Variants in GAPVD1 observed in about 807,000 individuals in gnomAD.
GAPVD1 encodes the protein GTPase activating protein and VPS9 domains 1.
In GAPVD1, 35 loss-of-function variants were observed where a neutral mutation model predicts 155.5. The ratio of observed to expected loss-of-function variants is 0.23; its 90% CI spans 0.17 to 0.30. The LOEUF (loss-of-function observed/expected upper bound fraction) is 0.30, where lower values mean the gene tolerates loss of function less well. GAPVD1 is among the 10% of genes least tolerant of loss of function. The pLI is 1.00. For missense variants in GAPVD1, 1,429 were observed against 1,775.7 expected, an observed-to-expected ratio of 0.80 and a Z score of 3.51; for synonymous variants, 636 against 619.7, an observed-to-expected ratio of 1.03 and a Z score of -0.39.
At position 125,302,168 on chromosome 9, in the gene GAPVD1, A is replaced by G; in HGVS notation, c.371A>G (p.Asn124Ser). The G allele has an allele frequency of 6.2e-7, 1 of 1,614,002 alleles. No individual in the cohort carries two copies. The highest frequency in any genetic ancestry group is 2.2e-5 in the East Asian group (1 of 44,876). ...GCTGGAGAGAAACTTAATCAGGAGAACACACAAAGTGTTATTTACACAGTT... is the reference window on the plus strand; with the variant it reads ...GCTGGAGAGAAACTTAATCAGGAGAGCACACAAAGTGTTATTTACACAGTT... ...LVAGEKLNQE[N>S]TQSVIYTVFT... is the part of the protein sequence containing the mutation. Residue 124 changes from asparagine (N) to serine (S), a missense_variant, in exon 5 of 28, where the codon AAC becomes AGC. Coordinates refer to ENST00000297933, the MANE Select transcript of GAPVD1 (RefSeq NM_001282680.3).
At chr9:125,358,843 G>A (rs369867182) in intron 25 of GAPVD1, among the ~76,000 whole-genome samples, 10 of 152,302 alleles carry the variant, frequency 6.6e-5, no homozygotes, top group East Asian at 1.9e-4. Context: ...CCCACCCTCC[G>A]TGGCATTTCT....
In GAPVD1 at chr9:125,332,105, C is replaced by A. The variant is rs748178306; in HGVS notation, c.2308+45C>A. On this transcript the variant is annotated intron_variant, in intron 14 of 27. Transcript: ENST00000297933. ...AGGAGTAGGGATTTGAAGGTGTTCACCCCCTACCCCCTCCTATTTATAAAG... is the reference window on the plus strand; with the variant it reads ...AGGAGTAGGGATTTGAAGGTGTTCAACCCCTACCCCCTCCTATTTATAAAG... The A allele has an allele frequency of 2.6e-6, 4 of 1,534,588 alleles. No individual in the cohort carries two copies. The Admixed American group carries it at 7.0e-5, about 27-fold the overall frequency.
intron 8 of GAPVD1, among the ~76,000 whole-genome samples, chr9:125,310,826 C>T (rs1842568111): frequency 6.6e-6 from 1 of 150,898 alleles, no homozygotes; most frequent in Non-Finnish European, 1.5e-5. Context: ...GCGTGAGCCA[C>T]CGCGCCCAGC....
chr9:125,348,756 C>G (rs1452494112), intron 20 of GAPVD1, among the ~76,000 whole-genome samples: 1 of 152,094 alleles, frequency 6.6e-6, no homozygotes, highest in Non-Finnish European at 1.5e-5. Context: ...ATGTGATCCA[C>G]CCACCAAAGC....
intron 2 of GAPVD1, among the ~76,000 whole-genome samples, chr9:125,279,998 G>T (rs557772629): frequency 1.3e-5 from 2 of 151,660 alleles, no homozygotes; most frequent in East Asian, 3.9e-4. Context: ...CCGACGTCAG[G>T]TGATCCACTC....
chr9:125,314,459 C>G (rs1308348318), intron 9 of GAPVD1, among the ~76,000 whole-genome samples: 1 of 151,990 alleles, frequency 6.6e-6, no homozygotes, highest in African/African-American at 2.4e-5. Context: ...AGTTCGAGAC[C>G]AGCCTGACCA....
At chr9:125,303,333 A>G (rs1172935729) in intron 5 of GAPVD1, among the ~76,000 whole-genome samples, 1 of 151,292 alleles carries the variant, frequency 6.6e-6, no homozygotes, top group Non-Finnish European at 1.5e-5. Flanking sequence ...GTGATTGTTA[A>G]AAAATGATTA....
In GAPVD1 at chr9:125,278,650, T is replaced by C. The variant is rs1836213371; in HGVS notation, c.-150+9666T>C. On this transcript the variant is annotated intron_variant, in intron 2 of 27. Coordinates refer to ENST00000297933, the MANE Select transcript of GAPVD1 (RefSeq NM_001282680.3). The stretch of plus-strand genomic sequence containing the variant: ...AGGAGTTCGAGACCAGTCTGGGCAA[T>C]GTGGTGAAACCTCATCTCTACACAA... Among the ~76,000 whole-genome samples the C allele has an allele frequency of 2.6e-5, 4 of 151,776 alleles. No homozygotes were observed. In the South Asian group the frequency reaches 6.2e-4, roughly 24 times the overall value.
At position 125,261,925 on chromosome 9, in the gene GAPVD1, G is replaced by C. The variant is rs2131508445; in HGVS notation, c.-233G>C. On this transcript the variant is annotated 5_prime_UTR_variant, in exon 1 of 28. Transcript: ENST00000297933. ...TCCGAGGCCGAGTGGCGGTCCGACA[G>C]AGTCCTCCGTGTCCTCCCCCGCATG... 1 of 153,982 alleles carries C rather than the reference G, an allele frequency of 6.5e-6. No individual in the cohort carries two copies. Among genetic ancestry groups the C allele is most frequent in the East Asian group, 1.9e-4 (1 of 5,254 alleles). The allele number at this position is 153,982 out of a possible 1,614,324, so 9.5% of individuals were successfully genotyped here.
rs111629776 is a variant in GAPVD1, at chr9:125,309,754, G to A, written c.1441+1874G>A. ...CTATACATTAGTTTTTTCATTTCCC[G>A]TTATCCAAAAGTGTCATTAAATATG... On this transcript the variant is annotated intron_variant, in intron 8 of 27. Coordinates refer to ENST00000297933, the MANE Select transcript of GAPVD1 (RefSeq NM_001282680.3). Among the ~76,000 whole-genome samples the A allele has an allele frequency of 2.5e-3, 380 of 152,054 alleles. 4 individuals carry two copies. The highest frequency in any genetic ancestry group is 8.0e-3 in the African/African-American group (331 of 41,470).
At chr9:125,286,762 A>G (rs1837769399) in intron 2 of GAPVD1, among the ~76,000 whole-genome samples, 1 of 152,084 alleles carries the variant, frequency 6.6e-6, no homozygotes, top group South Asian at 2.1e-4. Context: ...TAAAGATGAA[A>G]GTACAAAAAA....
intron 2 of GAPVD1, among the ~76,000 whole-genome samples, chr9:125,276,562 G>A (rs148392994): frequency 4.6e-5 from 7 of 152,244 alleles, no homozygotes; most frequent in African/African-American, 1.2e-4. Flanking sequence ...GATGGTGTAC[G>A]CCTGTAGTCC....
intron 19 of GAPVD1, among the ~76,000 whole-genome samples, chr9:125,342,862 C>T (rs1356817259): frequency 6.6e-6 from 1 of 152,130 alleles, no homozygotes; most frequent in East Asian, 1.9e-4. Context: ...TAATTTTTTA[C>T]AGCTTGAACC....
intron 19 of GAPVD1, 24 bp from the exon 20 acceptor site, chr9:125,346,795 C>T (rs751580163): frequency 6.2e-7 from 1 of 1,604,118 alleles, no homozygotes; most frequent in East Asian, 2.2e-5. Flanking sequence ...GGGGCTAATT[C>T]TCTCACTCTC....
At chr9:125,267,641 T>C (rs1212414016) in intron 1 of GAPVD1, among the ~76,000 whole-genome samples, 1 of 152,020 alleles carries the variant, frequency 6.6e-6, no homozygotes, top group Non-Finnish European at 1.5e-5. Context: ...ACTCCTGACC[T>C]CAGGTGAACT....
At chr9:125,277,413 C>A (rs1273223634) in intron 2 of GAPVD1, among the ~76,000 whole-genome samples, 1 of 152,146 alleles carries the variant, frequency 6.6e-6, no homozygotes, top group East Asian at 1.9e-4. Context: ...TGTGATTTAA[C>A]TGGCCAATGA....
At chr9:125,334,236 G>A (rs1846526456) in intron 15 of GAPVD1, among the ~76,000 whole-genome samples, 1 of 145,534 alleles carries the variant, frequency 6.9e-6, no homozygotes, top group Non-Finnish European at 1.5e-5. Context: ...CTAGCAGGAT[G>A]CAAGGGCACC....
chr9:125,330,680 T>C (rs968791822), intron 13 of GAPVD1, among the ~76,000 whole-genome samples: 1 of 152,218 alleles, frequency 6.6e-6, no homozygotes, highest in Non-Finnish European at 1.5e-5. Context: ...AAAATTAGTT[T>C]AGGGCATTTT....
intron 10 of GAPVD1, among the ~76,000 whole-genome samples, chr9:125,322,165 C>T (rs189603137): frequency 9.9e-5 from 15 of 152,056 alleles, no homozygotes; most frequent in East Asian, 7.7e-4. Flanking sequence ...CCCGGGTTCA[C>T]GCCATTCTCC....
Sources: gnomAD v4.1 joint callset for allele counts (sites outside exome capture counted in the v4.1 genomes callset) on GRCh38, gnomAD v4.1.1 for gene constraint, MANE v1.5 for transcripts, NCBI Gene and HGNC (gene_info 2026-07-23, HGNC 2026-07-21) for gene names.